Variants in KLHL1 observed in about 807,000 individuals in gnomAD.
KLHL1 encodes kelch like family member 1.
In KLHL1, 47 loss-of-function variants were observed where a neutral mutation model predicts 77.7. The observed-to-expected ratio is 0.60, with a 90% confidence interval of 0.48 to 0.77. The LOEUF is 0.77. Ranked by LOEUF, KLHL1 falls within the 30% of genes least tolerant of loss-of-function variation. The pLI, the probability that KLHL1 is intolerant of heterozygous loss-of-function variation, is 0.00. For missense variants in KLHL1, 925 were observed against 910.8 expected, an observed-to-expected ratio of 1.02 and a Z score of -0.20; for synonymous variants, 360 against 325.2, an observed-to-expected ratio of 1.11 and a Z score of -1.15.
At chr13:70,024,332 C>T (rs1249298776) in intron 1 of KLHL1, among the ~76,000 whole-genome samples, 1 of 151,674 alleles carries the variant, frequency 6.6e-6, no homozygotes, top group African/African-American at 2.4e-5. Flanking sequence ...AACCATAACA[C>T]TTCTGAATTG....
chr13:69,896,940 G>A (rs57276801), intron 4 of KLHL1, among the ~76,000 whole-genome samples: 3 of 152,154 alleles, frequency 2.0e-5, no homozygotes, highest in Non-Finnish European at 2.9e-5. Context: ...AATGTGCCGG[G>A]ATTACAGGTG....
chr13:69,991,618 C>A (rs919337422), intron 1 of KLHL1, among the ~76,000 whole-genome samples: 16 of 151,388 alleles, frequency 1.1e-4, no homozygotes, highest in Non-Finnish European at 1.9e-4. Context: ...TTGAATGAAT[C>A]CCTGAACAGA....
At chr13:70,070,771 A>T (rs1566550279) in intron 1 of KLHL1, among the ~76,000 whole-genome samples, 1 of 152,128 alleles carries the variant, frequency 6.6e-6, no homozygotes, top group Non-Finnish European at 1.5e-5. Flanking sequence ...CTAACTGATA[A>T]TGATGTTATA....
At chr13:70,056,374 C>T (rs1886745108) in intron 1 of KLHL1, among the ~76,000 whole-genome samples, 1 of 152,018 alleles carries the variant, frequency 6.6e-6, no homozygotes, top group African/African-American at 2.4e-5. Context: ...GAGACAGACC[C>T]CAATATAATA....
chr13:69,715,958 C>T (rs912673745), intron 9 of KLHL1, among the ~76,000 whole-genome samples: 1 of 152,112 alleles, frequency 6.6e-6, no homozygotes, highest in Admixed American at 6.6e-5. Context: ...GAGGCCCTAT[C>T]TATCTCAAAA....
chr13:70,026,703 G>GGTGTGTGT, intron 1 of KLHL1, among the ~76,000 whole-genome samples: 1 of 85,312 alleles, frequency 1.2e-5, no homozygotes, highest in African/African-American at 3.0e-5. Flanking sequence ...AAGAACTTAG[G>GGTGTGTGT]GTGTGTGTGT....
intron 8 of KLHL1, among the ~76,000 whole-genome samples, chr13:69,721,910 C>T (rs1160820315): frequency 6.6e-6 from 1 of 151,980 alleles, no homozygotes; most frequent in East Asian, 1.9e-4. Context: ...TGCAAAAGCA[C>T]CCAGAAGTGA....
chr13:69,700,713 T>C lies in KLHL1; in HGVS notation c.*989A>G, dbSNP rs1253741220. Reference sequence around the variant, plus strand: ...ACAATTACAAACATGTGGCTTAAAATAATGTACAGATCAATGTAACAAGTT... The same window carrying C: ...ACAATTACAAACATGTGGCTTAAAACAATGTACAGATCAATGTAACAAGTT... On this transcript the variant is annotated 3_prime_UTR_variant, in exon 11 of 11. Transcript: ENST00000377844. 6.6e-6 allele frequency: 1 copy of C among 152,378 alleles called. No homozygotes were observed. Among genetic ancestry groups the C allele is most frequent in the African/African-American group, 2.4e-5 (1 of 41,424 alleles). 9.4% of individuals were successfully genotyped at this position (152,378 alleles called of 1,614,324 possible).
chr13:70,060,105 C>A (rs138176136), intron 1 of KLHL1, among the ~76,000 whole-genome samples: 2 of 152,114 alleles, frequency 1.3e-5, no homozygotes, highest in East Asian at 3.9e-4. Context: ...CAAATATGGG[C>A]AAAAGATCTG....
At chr13:69,901,201 C>T (rs987477731) in intron 4 of KLHL1, among the ~76,000 whole-genome samples, 5 of 152,070 alleles carry the variant, frequency 3.3e-5, no homozygotes, top group African/African-American at 1.2e-4. Context: ...TTTTGGTTAA[C>T]ATATTTTAAT....
intron 7 of KLHL1, among the ~76,000 whole-genome samples, chr13:69,763,160 T>G (rs1028562603): frequency 6.6e-6 from 1 of 152,140 alleles, no homozygotes; most frequent in Admixed American, 6.6e-5. Flanking sequence ...CACAACAGAC[T>G]TCATTAAATT....
intron 3 of KLHL1, among the ~76,000 whole-genome samples, chr13:69,950,242 T>C (rs1232317078): frequency 1.3e-5 from 2 of 151,704 alleles, no homozygotes; most frequent in Admixed American, 6.6e-5. Flanking sequence ...AAAAGTCCAC[T>C]GCATGATAGG....
At chr13:70,057,902 C>T (rs1886788638) in intron 1 of KLHL1, among the ~76,000 whole-genome samples, 1 of 150,896 alleles carries the variant, frequency 6.6e-6, no homozygotes, top group Non-Finnish European at 1.5e-5. Flanking sequence ...AATTTGACAA[C>T]ACATTAAAAT....
intron 1 of KLHL1, among the ~76,000 whole-genome samples, chr13:69,988,985 T>C (rs1884950526): frequency 6.6e-6 from 1 of 152,150 alleles, no homozygotes; most frequent in Admixed American, 6.6e-5. Flanking sequence ...TTGTCAATTT[T>C]TGCTTTTGCT....
intron 1 of KLHL1, among the ~76,000 whole-genome samples, chr13:70,029,321 A>G (rs567545821): frequency 5.3e-5 from 8 of 152,312 alleles, no homozygotes; most frequent in African/African-American, 1.9e-4. Flanking sequence ...AAGGCTGGTC[A>G]CTGTAGAATA....
rs866327421 is a variant in KLHL1 at position 69,707,660 on chromosome 13, C to G, written c.2152G>C (p.Glu718Gln). ...YDGQTYLNTM[E>Q]SYDPQTNEWT... Reference sequence around the variant, plus strand: ...TCATTAGTTTGTGGGTCATAGGATTCCATAGTGTTGAGGTATGTCTGTCCA... The same window carrying G: ...TCATTAGTTTGTGGGTCATAGGATTGCATAGTGTTGAGGTATGTCTGTCCA... Residue 718 changes from glutamate (E) to glutamine (Q), a missense_variant, in exon 10 of 11, where the codon GAA becomes CAA. By Grantham distance (29) the Glu-to-Gln change is conservative (BLOSUM62 2). Transcript: ENST00000377844. 6.2e-7 allele frequency: 1 copy of G among 1,612,358 alleles called. No homozygotes were observed. The highest frequency in any genetic ancestry group is 8.5e-7 in the Non-Finnish European group (1 of 1,178,938).
chr13:70,020,498 G>C (rs1885761437), intron 1 of KLHL1, among the ~76,000 whole-genome samples: 2 of 152,066 alleles, frequency 1.3e-5, no homozygotes, highest in African/African-American at 2.4e-5. Context: ...TAGGAGTTAA[G>C]CATTTTCCTC....
chr13:70,010,442 A>C (rs1052423110), intron 1 of KLHL1, among the ~76,000 whole-genome samples: 2 of 152,210 alleles, frequency 1.3e-5, no homozygotes, highest in Admixed American at 6.5e-5. Flanking sequence ...TAAATATAGA[A>C]TATGACTGAA....
intron 6 of KLHL1, among the ~76,000 whole-genome samples, chr13:69,804,735 C>T (rs73504094): frequency 0.02 from 3,026 of 152,114 alleles, 87 homozygotes; most frequent in African/African-American, 0.068. Context: ...CAGCAACAAA[C>T]GATAAAATCC....
Sources: allele counts gnomAD v4.1 joint callset (sites outside exome capture counted in the v4.1 genomes callset), GRCh38; gene constraint gnomAD v4.1.1; transcripts MANE v1.5; gene names NCBI Gene and HGNC (gene_info 2026-07-23, HGNC 2026-07-21).